MYOCOS: variants seen among roughly 807,000 people sequenced by gnomAD.
The protein encoded by MYOCOS is myocilin opposite strand.
At chr1:171,606,619 C>G (rs1428794867) in intron 1 of MYOCOS, among the ~76,000 whole-genome samples, 4 of 152,208 alleles carry the variant, frequency 2.6e-5, no homozygotes, top group Non-Finnish European at 5.9e-5. Context: ...CACGAAACCC[C>G]TGTCACTTAT....
chr1:171,619,855 GGAAAA>G (rs1300095101), upstream of MYOCOS, among the ~76,000 whole-genome samples: 1 of 150,004 alleles, frequency 6.7e-6, no homozygotes, highest in African/African-American at 2.4e-5. Context: ...GAAAAGAAAA[GGAAAA>G]GAAATCATTA....
intron 1 of MYOCOS, among the ~76,000 whole-genome samples, chr1:171,614,406 A>G (rs146918314): frequency 2.3e-3 from 343 of 152,336 alleles, no homozygotes; most frequent in African/African-American, 8.0e-3. Flanking sequence ...GAACTGTGGC[A>G]CAGTCACAAT....
intron 2 of MYOCOS, among the ~76,000 whole-genome samples, chr1:171,624,471 G>A (rs1475635740): frequency 7.5e-6 from 1 of 134,132 alleles, no homozygotes; most frequent in Non-Finnish European, 1.5e-5. Context: ...TATTGAGACG[G>A]AGTCTCTCTC....
chr1:171,611,580 C>A (rs1470248539), intron 1 of MYOCOS, among the ~76,000 whole-genome samples: 1 of 152,194 alleles, frequency 6.6e-6, no homozygotes, highest in Non-Finnish European at 1.5e-5. Context: ...TACCTCTTAC[C>A]AGAAGGTCTT....
chr1:171,620,701 A>G (rs1301726752), upstream of MYOCOS, among the ~76,000 whole-genome samples: 1 of 152,044 alleles, frequency 6.6e-6, no homozygotes, highest in African/African-American at 2.4e-5. Context: ...GTAGCCTGGA[A>G]GCTCCCCCTC....
At chr1:171,620,764 T>G (rs1652547574), upstream of MYOCOS, among the ~76,000 whole-genome samples, 1 of 128,354 alleles carries the variant, frequency 7.8e-6, no homozygotes, top group African/African-American at 3.1e-5. Context: ...TATTTCTTTC[T>G]TTTTCTTTCT....
rs185732037 is a variant in MYOCOS, at chr1:171,615,793, C to T, written c.-44+788C>T. Among the ~76,000 whole-genome samples, 127 of 152,296 alleles carry T rather than the reference C, an allele frequency of 8.3e-4. 2 individuals are homozygous for T. The South Asian group carries it at 0.016, about 19-fold the overall frequency. On this transcript the variant is annotated intron_variant, in intron 2 of 3. Coordinates refer to the MYOCOS transcript ENST00000636697. Reference sequence around the variant, plus strand: ...TTAAAAGGGACAGAAGTTGTGCATTCGGGGAGCTCGGATTTTAAGGCAGTA... The same window carrying T: ...TTAAAAGGGACAGAAGTTGTGCATTTGGGGAGCTCGGATTTTAAGGCAGTA...
chr1:171,614,467 T>A (rs533975177), intron 1 of MYOCOS, among the ~76,000 whole-genome samples: 3 of 152,294 alleles, frequency 2.0e-5, no homozygotes, highest in Non-Finnish European at 4.4e-5. Context: ...GATGAACCTT[T>A]AGAGTCATCC....
chr1:171,610,432 C>T (rs1200853714), intron 1 of MYOCOS, among the ~76,000 whole-genome samples: 1 of 152,130 alleles, frequency 6.6e-6, no homozygotes, highest in African/African-American at 2.4e-5. Context: ...AGGCAGAATA[C>T]CACAGACTGG....
At chr1:171,607,874 G>C (rs911476107) in intron 1 of MYOCOS, among the ~76,000 whole-genome samples, 1 of 152,174 alleles carries the variant, frequency 6.6e-6, no homozygotes, top group Non-Finnish European at 1.5e-5. Flanking sequence ...CCCAAGACTG[G>C]GTAATTTATA....
intron 2 of MYOCOS, among the ~76,000 whole-genome samples, chr1:171,624,835 C>T (rs1475252463): frequency 1.3e-5 from 2 of 152,150 alleles, no homozygotes. Context: ...CCACCTGCCT[C>T]AGCATCCCAA....
At chr1:171,624,586 G>T (rs772242165) in intron 2 of MYOCOS, among the ~76,000 whole-genome samples, 1 of 151,878 alleles carries the variant, frequency 6.6e-6, no homozygotes, top group Non-Finnish European at 1.5e-5. Flanking sequence ...ACAGGCGCCC[G>T]CCACGACGCC....
intron 1 of MYOCOS, among the ~76,000 whole-genome samples, chr1:171,606,499 A>G (rs1652245740): frequency 6.6e-6 from 1 of 152,224 alleles, no homozygotes; most frequent in Non-Finnish European, 1.5e-5. Context: ...CCCAGTAGTT[A>G]AAAATCAACT....
chr1:171,606,426 G>A (rs981268330), intron 1 of MYOCOS, among the ~76,000 whole-genome samples: 2 of 150,946 alleles, frequency 1.3e-5, no homozygotes, highest in Non-Finnish European at 2.9e-5. Context: ...AAAACAACAA[G>A]GAAGTAAAAC....
chr1:171,606,653 C>T (rs1032401947), intron 1 of MYOCOS, among the ~76,000 whole-genome samples: 3 of 152,214 alleles, frequency 2.0e-5, no homozygotes, highest in Admixed American at 6.5e-5. Context: ...CAATCAATCA[C>T]GACCCTTTCA....
rs1049813873 is a variant in MYOCOS, at chr1:171,612,371, G to A, written c.-251-2427G>A. ...TGGGATTACAGGTGTGAGCCACTGCGCCTGGCCTGTACCCTCTAGGTTTCT... is the reference window on the plus strand; with the variant it reads ...TGGGATTACAGGTGTGAGCCACTGCACCTGGCCTGTACCCTCTAGGTTTCT... On this transcript the variant is annotated intron_variant, in intron 1 of 3. Coordinates refer to the MYOCOS transcript ENST00000636697. 5.9e-5 allele frequency among the ~76,000 whole-genome samples: 9 copies of A among 152,008 alleles called. No individual in the cohort carries two copies. The East Asian group carries it at 7.8e-4, about 13-fold the overall frequency.
chr1:171,626,776 T>C lies in MYOCOS; in HGVS notation c.*175T>C, dbSNP rs1652714469. ...CCTTGCTAATAGACTTAGTCATTTT[T>C]GGTTTTTTAATCCAAGTCTCTGATA... On this transcript the variant is annotated 3_prime_UTR_variant, in exon 3 of 3. Transcript: ENST00000637642. 2.5e-6 allele frequency: 1 copy of C among 393,906 alleles called. No homozygotes were observed. Among genetic ancestry groups the C allele is most frequent in the South Asian group, 1.4e-4 (1 of 6,994 alleles). 24.4% of individuals were successfully genotyped at this position (393,906 alleles called of 1,614,324 possible).
upstream of MYOCOS, among the ~76,000 whole-genome samples, chr1:171,619,796 A>T (rs1652519269): frequency 6.6e-6 from 1 of 151,084 alleles, no homozygotes; most frequent in African/African-American, 2.4e-5. Flanking sequence ...ACACCGCTGC[A>T]TTCCAGCCTA....
chr1:171,610,656 C>CTCTTAATCACCTCTTAAG (rs1652337718), intron 1 of MYOCOS, among the ~76,000 whole-genome samples: 1 of 152,174 alleles, frequency 6.6e-6, no homozygotes, highest in South Asian at 2.1e-4. Context: ...GACATTGATC[C>CTCTTAATCACCTCTTAAG]ATTCACCTCT....
Sources: gnomAD v4.1 joint callset for allele counts (sites outside exome capture counted in the v4.1 genomes callset) on GRCh38, gnomAD v4.1.1 for gene constraint, MANE v1.5 for transcripts, NCBI Gene and HGNC (gene_info 2026-07-23, HGNC 2026-07-21) for gene names.